The following ST3GAL3 variants were observed in gnomAD, a reference collection of about 807,000 sequenced individuals.
The protein encoded by ST3GAL3 is CMP-N-acetylneuraminate-beta-1,4-galactoside alpha-2,3-sialyltransferase.
A neutral mutation model predicts 50.1 loss-of-function variants in ST3GAL3; 21 were observed. The observed-to-expected ratio is 0.42, with a 90% CI of 0.30 to 0.60. The LOEUF is 0.60. ST3GAL3 is among the 20% of genes least tolerant of loss of function. ST3GAL3 has a pLI of 0.19. For missense variants in ST3GAL3, 353 were observed against 489.4 expected, an observed-to-expected ratio of 0.72 and a Z score of 2.63; for synonymous variants, 183 against 190.0, an observed-to-expected ratio of 0.96 and a Z score of 0.30.
chr1:43,847,431 C>G (rs1259229206), intron 5 of ST3GAL3, among the ~76,000 whole-genome samples: 1 of 152,138 alleles, frequency 6.6e-6, no homozygotes, highest in Non-Finnish European at 1.5e-5. Flanking sequence ...TATGCATAAG[C>G]AGTGGAATGT....
At chr1:43,827,018 T>C (rs12037700) in intron 4 of ST3GAL3, among the ~76,000 whole-genome samples, 25,715 of 152,106 alleles carry the variant, frequency 0.17, 2,525 homozygotes, top group African/African-American at 0.25. Flanking sequence ...TCCCCTAAGA[T>C]TGAGATAAAA....
intron 11 of ST3GAL3, chr1:43,922,113 C>T: frequency 5.9e-6 from 1 of 170,670 alleles, no homozygotes; most frequent in Non-Finnish European, 1.2e-5. Flanking sequence ...TGCCTATAAT[C>T]CCAGCACTTT....
chr1:43,735,418 G>A (rs1677963931), intron 1 of ST3GAL3, among the ~76,000 whole-genome samples: 3 of 152,214 alleles, frequency 2.0e-5, no homozygotes, highest in Admixed American at 2.0e-4. Context: ...GGGGAATTTG[G>A]AGAGATTCAA....
intron 1 of ST3GAL3, among the ~76,000 whole-genome samples, chr1:43,724,382 ATTT>A (rs36044239): frequency 8.3e-6 from 1 of 121,188 alleles, no homozygotes; most frequent in African/African-American, 3.0e-5. Flanking sequence ...GGCTATTTTC[ATTT>A]TTTTTTTTTT....
chr1:43,851,025 A>C, intron 5 of ST3GAL3: 1 of 840,208 alleles, frequency 1.2e-6, no homozygotes, highest in South Asian at 1.3e-5. Flanking sequence ...GCACCACGCC[A>C]GCTGCCACCA....
At chr1:43,730,691 C>G (rs1474059487) in intron 1 of ST3GAL3, among the ~76,000 whole-genome samples, 1 of 151,384 alleles carries the variant, frequency 6.6e-6, no homozygotes, top group Non-Finnish European at 1.5e-5. Context: ...CTACCTCAGC[C>G]TCTCAAATAG....
intron 6 of ST3GAL3, among the ~76,000 whole-genome samples, chr1:43,895,077 A>G (rs1401621857): frequency 1.3e-5 from 2 of 152,186 alleles, no homozygotes; most frequent in Non-Finnish European, 2.9e-5. Flanking sequence ...GGGCAGTACA[A>G]GGAGCTGTGA....
intron 4 of ST3GAL3, among the ~76,000 whole-genome samples, chr1:43,836,369 G>A (rs143217961): frequency 0.023 from 3,531 of 152,296 alleles, 137 homozygotes; most frequent in African/African-American, 0.081. Context: ...TTGAATTTCC[G>A]TGGTGGGGGA....
intron 1 of ST3GAL3, among the ~76,000 whole-genome samples, chr1:43,732,967 T>A (rs2154086552): frequency 6.9e-6 from 1 of 144,152 alleles, no homozygotes; most frequent in South Asian, 2.2e-4. Context: ...TACTTGTGAC[T>A]TCATAAAAAA....
intron 3 of ST3GAL3, among the ~76,000 whole-genome samples, chr1:43,807,961 G>C (rs1315730342): frequency 2.0e-5 from 3 of 152,106 alleles, no homozygotes; most frequent in Admixed American, 2.0e-4. Flanking sequence ...GGTTTTAAGT[G>C]TCTGTAGGAC....
intron 5 of ST3GAL3, among the ~76,000 whole-genome samples, chr1:43,876,757 TG>T (rs1035378680): frequency 1.3e-5 from 2 of 152,176 alleles, no homozygotes; most frequent in Non-Finnish European, 2.9e-5. Context: ...GATGGACGAA[TG>T]TGAAAGAGGA....
chr1:43,739,894 C>T (rs149386357), intron 2 of ST3GAL3, among the ~76,000 whole-genome samples: 86 of 152,112 alleles, frequency 5.7e-4, no homozygotes, highest in African/African-American at 2.0e-3. Context: ...TGAAAATAGT[C>T]TAGTTATCAA....
chr1:43,727,156 A>T (rs1205667537), intron 1 of ST3GAL3: 1 of 152,050 alleles, frequency 6.6e-6, no homozygotes, highest in African/African-American at 2.4e-5. Flanking sequence ...CCTCAGGCTG[A>T]TTCCTTTTTC....
At chr1:43,731,590 G>C (rs1371184938) in intron 1 of ST3GAL3, among the ~76,000 whole-genome samples, 1 of 149,586 alleles carries the variant, frequency 6.7e-6, no homozygotes, top group African/African-American at 2.5e-5. Context: ...GTAGAGATGG[G>C]GTTTCACTGT....
At chr1:43,729,418 A>C (rs1674614754) in intron 1 of ST3GAL3, among the ~76,000 whole-genome samples, 1 of 152,102 alleles carries the variant, frequency 6.6e-6, no homozygotes, top group African/African-American at 2.4e-5. Context: ...GAATACCTCC[A>C]ATTTCAATAC....
chr1:43,752,639 G>T lies in ST3GAL3; in HGVS notation c.118+16259G>T, dbSNP rs559589998. 9.2e-5 allele frequency among the ~76,000 whole-genome samples: 14 copies of T among 152,200 alleles called. No homozygotes were observed. In the East Asian group the frequency reaches 2.5e-3, roughly 27 times the overall value. On this transcript the variant is annotated intron_variant, in intron 2 of 11. Transcript: ENST00000347631. Reference sequence around the variant, plus strand: ...TCTCATCCTCCCATGTGGTGGTTGGGACTACAGGTGCACACCACCATGCCT... The same window carrying T: ...TCTCATCCTCCCATGTGGTGGTTGGTACTACAGGTGCACACCACCATGCCT...
At chr1:43,890,868 A>G (rs1011496257) in intron 5 of ST3GAL3, among the ~76,000 whole-genome samples, 1 of 152,004 alleles carries the variant, frequency 6.6e-6, no homozygotes, top group African/African-American at 2.4e-5. Flanking sequence ...TGGGTAACAG[A>G]CGTATACGGG....
intron 1 of ST3GAL3, among the ~76,000 whole-genome samples, chr1:43,729,153 G>A (rs919028629): frequency 7.1e-6 from 1 of 141,630 alleles, no homozygotes; most frequent in Non-Finnish European, 1.5e-5. Flanking sequence ...GCAGTGCCAT[G>A]ATCTGGGCTC....
rs557717700 is a variant in ST3GAL3, at chr1:43,742,235, CGT to C, written c.118+5856_118+5857del. Among the ~76,000 whole-genome samples the C allele has an allele frequency of 1.6e-3, 237 of 152,180 alleles. 1 individual carries two copies. The highest frequency in any genetic ancestry group is 2.8e-3 in the Non-Finnish European group (193 of 68,010). ...ATTAACACTTTGTTAACACCCCTGG[CGT>C]CCAGCTGAGACCCCAGACAGGCCAT... is the stretch of plus-strand genomic sequence containing the variant. On this transcript the variant is annotated intron_variant, in intron 2 of 11. Coordinates refer to ENST00000347631, the MANE Select transcript of ST3GAL3 (RefSeq NM_006279.5).
Sources: gnomAD v4.1 joint callset for allele counts (sites outside exome capture counted in the v4.1 genomes callset) on GRCh38, gnomAD v4.1.1 for gene constraint, MANE v1.5 for transcripts, NCBI Gene and HGNC (gene_info 2026-07-23, HGNC 2026-07-21) for gene names.